The following CDH13 variants were observed in gnomAD, a reference collection of about 807,000 sequenced individuals.
CDH13 encodes the protein cadherin 13.
A neutral mutation model predicts 63.8 loss-of-function variants in CDH13; 24 were observed. The ratio of observed to expected loss-of-function variants is 0.38; its 90% CI spans 0.27 to 0.53. The LOEUF (loss-of-function observed/expected upper bound fraction) is 0.53, where lower values mean the gene tolerates loss of function less well. CDH13 is among the 20% of genes least tolerant of loss of function. The probability of loss-of-function intolerance (pLI) is 0.85; values close to 1 mark genes in which losing one functional copy is unlikely to be tolerated. For missense variants in CDH13, 1,049 were observed against 903.1 expected (o/e 1.16, Z -2.07); for synonymous variants, 503 against 355.3 (o/e 1.42, Z -4.67).
chr16:83,368,884 TTATATA>T (rs150563585), intron 6 of CDH13, among the ~76,000 whole-genome samples: 96 of 47,630 alleles, frequency 2.0e-3, no homozygotes, highest in Non-Finnish European at 3.9e-3. Context: ...GTATTCCATG[TTATATA>T]TATATATATA....
chr16:83,712,290 G>A (rs1003322533), intron 10 of CDH13, among the ~76,000 whole-genome samples: 6 of 152,144 alleles, frequency 3.9e-5, no homozygotes, highest in Non-Finnish European at 7.3e-5. Context: ...TACAATAGCC[G>A]CCAGAGCACT....
At chr16:82,728,014 C>G (rs531308973) in intron 1 of CDH13, among the ~76,000 whole-genome samples, 12 of 152,198 alleles carry the variant, frequency 7.9e-5, no homozygotes, top group Non-Finnish European at 1.8e-4. Context: ...ACTCATTACT[C>G]AAACCCTTGG....
At chr16:82,956,428 TG>T (rs1333568184) in intron 2 of CDH13, among the ~76,000 whole-genome samples, 10 of 152,148 alleles carry the variant, frequency 6.6e-5, no homozygotes, top group Admixed American at 6.5e-4. Flanking sequence ...CCACACCCTT[TG>T]GAACTCCTCA....
intron 6 of CDH13, among the ~76,000 whole-genome samples, chr16:83,382,654 C>G (rs568774846): frequency 6.6e-6 from 1 of 152,166 alleles, no homozygotes; most frequent in Non-Finnish European, 1.5e-5. Context: ...CTCCACACCC[C>G]GTTCAGGGTT....
chr16:83,042,507 G>A (rs749365860), intron 3 of CDH13, among the ~76,000 whole-genome samples: 11 of 152,056 alleles, frequency 7.2e-5, no homozygotes, highest in Non-Finnish European at 1.2e-4. Context: ...CTACATTATG[G>A]TGCGTTGTAT....
At chr16:82,690,430 C>G (rs1364088592) in intron 1 of CDH13, among the ~76,000 whole-genome samples, 2 of 152,106 alleles carry the variant, frequency 1.3e-5, no homozygotes, top group African/African-American at 4.8e-5. Flanking sequence ...GTCATGTTCT[C>G]TGTGGAATAA....
intron 10 of CDH13, among the ~76,000 whole-genome samples, chr16:83,726,858 C>T (rs114414269): frequency 0.014 from 2,133 of 151,446 alleles, 46 homozygotes; most frequent in African/African-American, 0.05. Context: ...AAAAAATCAC[C>T]GTCCTTTTTT....
intron 6 of CDH13, among the ~76,000 whole-genome samples, chr16:83,367,300 C>T (rs1350451264): frequency 2.0e-5 from 3 of 152,108 alleles, no homozygotes; most frequent in Non-Finnish European, 4.4e-5. Context: ...CATTTATCAG[C>T]ACTTCATTTC....
intron 4 of CDH13, among the ~76,000 whole-genome samples, chr16:83,216,020 C>G (rs1250215788): frequency 6.7e-6 from 1 of 150,364 alleles, no homozygotes; most frequent in Non-Finnish European, 1.5e-5. Flanking sequence ...TGCTTCTCAG[C>G]CTAACCCTCT....
intron 8 of CDH13, among the ~76,000 whole-genome samples, chr16:83,634,731 C>A (rs988444766): frequency 6.6e-6 from 1 of 152,052 alleles, no homozygotes; most frequent in African/African-American, 2.4e-5. Context: ...AGCATGATGC[C>A]CCTGAGATTC....
chr16:83,161,700 C>A (rs189950973), intron 4 of CDH13, among the ~76,000 whole-genome samples: 1 of 152,152 alleles, frequency 6.6e-6, no homozygotes, highest in Non-Finnish European at 1.5e-5. Flanking sequence ...CACCATGGTT[C>A]TCTTTCTTAT....
chr16:83,325,548 G>A (rs112694974), intron 5 of CDH13, among the ~76,000 whole-genome samples: 136 of 152,294 alleles, frequency 8.9e-4, no homozygotes, highest in African/African-American at 2.8e-3. Flanking sequence ...GAGAGAAGCC[G>A]TAGACAGTAG....
intron 6 of CDH13, among the ~76,000 whole-genome samples, chr16:83,429,458 C>T (rs1461916024): frequency 6.6e-6 from 1 of 151,822 alleles, no homozygotes; most frequent in Non-Finnish European, 1.5e-5. Flanking sequence ...TCAGAGACTT[C>T]CTGTGATTAT....
intron 6 of CDH13, among the ~76,000 whole-genome samples, chr16:83,393,297 G>T (rs145256712): frequency 2.6e-5 from 4 of 152,112 alleles, no homozygotes; most frequent in African/African-American, 9.7e-5. Flanking sequence ...TGGGAATATT[G>T]TTCTTGCCTC....
intron 1 of CDH13, among the ~76,000 whole-genome samples, chr16:82,694,512 A>T (rs1044319164): frequency 3.3e-5 from 5 of 152,106 alleles, no homozygotes; most frequent in Non-Finnish European, 7.4e-5. Context: ...AACTTTATTT[A>T]TCTTATGATT....
At chr16:83,705,447 C>T (rs943388367) in intron 10 of CDH13, among the ~76,000 whole-genome samples, 1 of 152,010 alleles carries the variant, frequency 6.6e-6, no homozygotes, top group African/African-American at 2.4e-5. Flanking sequence ...ACGGTGAAAT[C>T]CTGTCTCTAC....
At chr16:82,715,763 C>T (rs2032323367) in intron 1 of CDH13, among the ~76,000 whole-genome samples, 1 of 152,140 alleles carries the variant, frequency 6.6e-6, no homozygotes, top group Non-Finnish European at 1.5e-5. Context: ...CAGCACGAAG[C>T]AGCGATGATG....
intron 10 of CDH13, among the ~76,000 whole-genome samples, chr16:83,701,900 G>A (rs1017910156): frequency 3.3e-5 from 5 of 152,312 alleles, no homozygotes; most frequent in Non-Finnish European, 7.4e-5. Flanking sequence ...TAACACTGAG[G>A]TTGATGTCCA....
chr16:83,257,947 T>C (rs1426422101), intron 5 of CDH13, among the ~76,000 whole-genome samples: 2 of 152,246 alleles, frequency 1.3e-5, no homozygotes, highest in East Asian at 3.8e-4. Flanking sequence ...TTTGACTTTT[T>C]AATATTAGTC....
Sources: gnomAD v4.1 joint callset for allele counts (sites outside exome capture counted in the v4.1 genomes callset) on GRCh38, gnomAD v4.1.1 for gene constraint, MANE v1.5 for transcripts, NCBI Gene and HGNC (gene_info 2026-07-23, HGNC 2026-07-21) for gene names.